Variants in GATA4 observed in about 807,000 individuals in gnomAD.
The protein encoded by GATA4 is GATA binding protein 4.
In GATA4, 7 loss-of-function variants were observed where a neutral mutation model predicts 37.9. The ratio of observed to expected loss-of-function variants is 0.18; its 90% CI spans 0.11 to 0.35. GATA4 has a LOEUF of 0.35. Ranked by LOEUF, GATA4 falls within the 10% of genes least tolerant of loss-of-function variation. GATA4 has a pLI of 1.00. For synonymous variants in GATA4, 372 were observed against 292.6 expected, an observed-to-expected ratio of 1.27 and a Z score of -2.77; for missense variants, 647 against 653.0, an observed-to-expected ratio of 0.99 and a Z score of 0.10.
intron 2 of GATA4, among the ~76,000 whole-genome samples, chr8:11,718,811 C>A (rs1221701452): frequency 6.6e-6 from 1 of 152,250 alleles, no homozygotes; most frequent in African/African-American, 2.4e-5. Context: ...TGATCGATAG[C>A]AACTGGTGAG....
upstream of GATA4, among the ~76,000 whole-genome samples, chr8:11,702,468 T>C (rs1249433313): frequency 6.6e-6 from 1 of 151,310 alleles, no homozygotes; most frequent in East Asian, 1.9e-4. This position sits in a 1 kb window ranked among gnomAD's most constrained non-coding sequence, Gnocchi z 4.4. Flanking sequence ...CCTCTCTCGC[T>C]CGCCCCCCAC....
intron 2 of GATA4, among the ~76,000 whole-genome samples, chr8:11,739,396 T>C (rs1171719285): frequency 2.0e-5 from 3 of 152,226 alleles, no homozygotes; most frequent in African/African-American, 7.2e-5. Flanking sequence ...TTTAAAAAAG[T>C]TTATTCCAGT....
intron 4 of GATA4, among the ~76,000 whole-genome samples, chr8:11,752,785 T>C (rs1198284469): frequency 6.6e-6 from 1 of 152,222 alleles, no homozygotes; most frequent in Admixed American, 6.5e-5. Context: ...TCATGATTTC[T>C]TGTTATAATG....
At chr8:11,677,473 T>C (rs1798820904) in intron 1 of GATA4, among the ~76,000 whole-genome samples, 1 of 152,300 alleles carries the variant, frequency 6.6e-6, no homozygotes, top group South Asian at 2.1e-4. Flanking sequence ...AGAAATCAAA[T>C]GGATCTGACC....
In GATA4 at chr8:11,683,880, G is replaced by T. The variant is rs1336047465; in HGVS notation, c.-274+6817G>T. 2.6e-5 allele frequency among the ~76,000 whole-genome samples: 4 copies of T among 152,220 alleles called. No homozygotes were observed. The East Asian group carries it at 7.7e-4, about 29-fold the overall frequency. On this transcript the variant is annotated intron_variant, in intron 1 of 6. Transcript: ENST00000528712. ...CAGCTCAGGAAACTACAGCTCCCGG[G>T]TGGGCTTCCCATTTGAAACTGGCTC...
intron 1 of GATA4, among the ~76,000 whole-genome samples, chr8:11,705,238 G>A (rs547009198): frequency 2.2e-4 from 33 of 152,370 alleles, no homozygotes; most frequent in Non-Finnish European, 3.7e-4. Context: ...TCCCAGAAAA[G>A]GAAGACAACC....
chr8:11,719,399 C>A (rs1015258837), intron 2 of GATA4, among the ~76,000 whole-genome samples: 1 of 151,986 alleles, frequency 6.6e-6, no homozygotes, highest in African/African-American at 2.4e-5. Flanking sequence ...AATGTAGTTC[C>A]CACGGAGTGC....
Position 11,708,320 on chromosome 8 carries a change from A to C in GATA4, c.8A>C (p.Gln3Pro), listed in dbSNP as rs374132087. Residue 3 changes from glutamine to proline, a missense_variant, in exon 2 of 7, where the codon CAG (glutamine) becomes CCG (proline). Coordinates refer to ENST00000532059, the MANE Select transcript of GATA4 (RefSeq NM_001308093.3). The surrounding 1 kb of genome is among the most constrained non-coding windows in gnomAD (Gnocchi z 6.7). ...CGGGAGCTCGCAGGGACCATGTATC[A>C]GAGCTTGGCCATGGCCGCCAACCAC... MY[Q>P]SLAMAANHGP... 42 of 1,584,238 alleles carry C rather than the reference A, an allele frequency of 2.7e-5. No homozygotes were observed. The African/African-American group carries it at 4.8e-4, about 18-fold the overall frequency.
intron 2 of GATA4, among the ~76,000 whole-genome samples, chr8:11,723,117 C>T (rs7846104): frequency 0.83 from 126,762 of 152,034 alleles, 52,950 homozygotes; most frequent in Middle Eastern, 0.86. Flanking sequence ...GAGGCTGAGG[C>T]TGGAGGATCA....
intron 2 of GATA4, among the ~76,000 whole-genome samples, chr8:11,743,371 C>G (rs1801855771): frequency 6.6e-6 from 1 of 152,270 alleles, no homozygotes; most frequent in African/African-American, 2.4e-5. Flanking sequence ...GACCCATCAA[C>G]TCTGCCTCCA....
chr8:11,714,066 C>G (rs1177220815), intron 2 of GATA4, among the ~76,000 whole-genome samples: 1 of 151,896 alleles, frequency 6.6e-6, no homozygotes, highest in African/African-American at 2.4e-5. Flanking sequence ...AAAAGGAGAC[C>G]GAAATGGAAA....
At chr8:11,687,594 C>T (rs1799178450) in intron 1 of GATA4, among the ~76,000 whole-genome samples, 2 of 152,138 alleles carry the variant, frequency 1.3e-5, no homozygotes, top group African/African-American at 4.8e-5. Flanking sequence ...GACCATTTCC[C>T]CCTTTTTATA....
chr8:11,757,207 C>T lies in GATA4; in HGVS notation c.1149+124C>T, dbSNP rs1383236818. ...TCACAGGTGCAAGCAGTGAGCTACC[C>T]TCTGCGCTAGGAAGACCCAGCCATT... On this transcript the variant is annotated intron_variant, in intron 6 of 6. Coordinates refer to ENST00000532059, the MANE Select transcript of GATA4 (RefSeq NM_001308093.3). 8 of 1,418,318 alleles carry T rather than the reference C, an allele frequency of 5.6e-6. No individual in the cohort carries two copies. In the Admixed American group the frequency reaches 1.3e-4, roughly 23 times the overall value. The allele number at this position is 1,418,318 out of a possible 1,614,324, so 87.9% of individuals were successfully genotyped here.
rs1062216 is a variant in GATA4, at chr8:11,758,433, C to A, written c.1290C>A (p.Ser430Arg). ...QTSSKQDSWN[S>R]LVLADSHGDI... Reference sequence around the variant, plus strand: ...GCTCCAAGCAGGACTCTTGGAACAGCCTGGTCTTGGCCGACAGTCACGGGG... The same window carrying A: ...GCTCCAAGCAGGACTCTTGGAACAGACTGGTCTTGGCCGACAGTCACGGGG... Residue 430 changes from serine (S) to arginine (R), a missense_variant, in exon 7 of 7, where the codon AGC becomes AGA. Around this residue, in one of 5 missense-constraint regions of GATA4, gnomAD observed 184 missense variants for 157.1 expected, o/e 1.17. Transcript: ENST00000532059. The A allele has an allele frequency of 6.2e-7, 1 of 1,614,222 alleles. No individual in the cohort carries two copies. The highest frequency in any genetic ancestry group is 2.2e-5 in the East Asian group (1 of 44,884).
At chr8:11,695,134 G>A (rs867435186) in intron 1 of GATA4, among the ~76,000 whole-genome samples, 4 of 152,192 alleles carry the variant, frequency 2.6e-5, no homozygotes, top group African/African-American at 4.8e-5. Flanking sequence ...CTGGGGGCGC[G>A]GTGGCTCACT....
chr8:11,681,331 C>T (rs1798963861), intron 1 of GATA4: 1 of 985,438 alleles, frequency 1.0e-6, no homozygotes, highest in Non-Finnish European at 1.2e-6. Context: ...CGACCTGCGC[C>T]CCAACCCATC....
intron 1 of GATA4, chr8:11,680,636 G>T: frequency 1.0e-6 from 1 of 985,374 alleles, no homozygotes; most frequent in Non-Finnish European, 1.2e-6. Context: ...GCCACGCCTG[G>T]CGCTGCTGGG....
intron 2 of GATA4, among the ~76,000 whole-genome samples, chr8:11,725,032 G>T (rs977840805): frequency 5.3e-5 from 8 of 152,226 alleles, no homozygotes; most frequent in Non-Finnish European, 1.0e-4. Context: ...CCCGCTCAGG[G>T]GTGGCCTTCA....
At chr8:11,702,417 G>A (rs1799707483), upstream of GATA4, among the ~76,000 whole-genome samples, 3 of 151,852 alleles carry the variant, frequency 2.0e-5, no homozygotes, top group Admixed American at 2.0e-4. The surrounding 1 kb of genome is among the most constrained non-coding windows in gnomAD (Gnocchi z 4.4). Context: ...CCACTCTCCA[G>A]GAAGGCCTTG....
Sources: allele counts gnomAD v4.1 joint callset (sites outside exome capture counted in the v4.1 genomes callset), GRCh38; gene constraint gnomAD v4.1.1; regional missense constraint gnomAD v4.1.1; non-coding constraint Gnocchi (gnomAD v3.1); transcripts MANE v1.5; gene names NCBI Gene and HGNC (gene_info 2026-07-23, HGNC 2026-07-21).